Variants in NBEAL1 observed in about 807,000 individuals in gnomAD.
NBEAL1 encodes the protein neurobeachin-like protein 1.
A neutral mutation model predicts 351.3 loss-of-function variants in NBEAL1; 273 were observed. The observed-to-expected ratio is 0.78, with a 90% confidence interval of 0.70 to 0.86. The LOEUF is 0.86. Among genes scored for constraint, NBEAL1 ranks in the 40% least tolerant of loss-of-function variants. The pLI is 0.00. For missense variants in NBEAL1, 2,961 were observed against 3,201.3 expected, an observed-to-expected ratio of 0.92 and a Z score of 1.81; for synonymous variants, 1,050 against 1,086.4, an observed-to-expected ratio of 0.97 and a Z score of 0.66.
In NBEAL1 at chr2:203,106,598, G is replaced by GT. The variant is rs572360411; in HGVS notation, c.1270-813dup. Among the ~76,000 whole-genome samples the GT allele has an allele frequency of 3.7e-3, 558 of 150,560 alleles. 1 individual carries two copies. The highest frequency in any genetic ancestry group is 7.8e-3 in the South Asian group (37 of 4,726). On this transcript the variant is annotated intron_variant, in intron 12 of 55. Coordinates refer to ENST00000683969, the MANE Select transcript of NBEAL1 (RefSeq NM_001378026.1). ...GATGTTCCAGTCTTCCTTGAAAGTT[G>GT]TTTTTTTTTGTCCATATAATAGCTG...
chr2:203,111,832 G>T, intron 15 of NBEAL1, 147 bp from the exon 16 acceptor site: 3 of 896,222 alleles, frequency 3.3e-6, no homozygotes, highest in Non-Finnish European at 4.8e-6. Context: ...GGAAAAAATT[G>T]TTACTTTGAG....
chr2:203,025,519 C>T (rs984783366), intron 2 of NBEAL1, among the ~76,000 whole-genome samples: 4 of 152,118 alleles, frequency 2.6e-5, no homozygotes, highest in Non-Finnish European at 1.5e-5. Flanking sequence ...TTGTTACAAG[C>T]AAGTAAAGAA....
intron 8 of NBEAL1, among the ~76,000 whole-genome samples, chr2:203,079,960 TAGTC>T (rs1438517833): frequency 6.6e-6 from 1 of 152,220 alleles, no homozygotes; most frequent in African/African-American, 2.4e-5. Flanking sequence ...TATCATTTCT[TAGTC>T]TGTTTGGAGA....
rs565917277 is a variant in NBEAL1, at chr2:203,221,186, T to C, written c.*3832T>C. 2.0e-5 allele frequency among the ~76,000 whole-genome samples: 3 copies of C among 152,100 alleles called. No homozygotes were observed. The highest frequency in any genetic ancestry group is 4.1e-4 in the South Asian group (2 of 4,828). On this transcript the variant is annotated 3_prime_UTR_variant, in exon 56 of 56. Transcript: ENST00000683969. ...ATACCAGATTTTTATTTAATGATGATAGAGATATGACCTTTGCCTTTATGT... is the reference window on the plus strand; with the variant it reads ...ATACCAGATTTTTATTTAATGATGACAGAGATATGACCTTTGCCTTTATGT...
chr2:203,023,736 G>A (rs2060806085), intron 2 of NBEAL1, among the ~76,000 whole-genome samples: 1 of 151,918 alleles, frequency 6.6e-6, no homozygotes, highest in South Asian at 2.1e-4. Flanking sequence ...GGGACATTCA[G>A]GTAGAAATAC....
chr2:203,199,021 CTACAAAAAA>C (rs1012099672), intron 48 of NBEAL1, among the ~76,000 whole-genome samples: 1 of 151,692 alleles, frequency 6.6e-6, no homozygotes, highest in African/African-American at 2.4e-5. Context: ...AACCATGTCT[CTACAAAAAA>C]TACAAAGAAT....
intron 55 of NBEAL1, 67 bp downstream of exon 55, chr2:203,213,720 C>T (rs1199979871): frequency 6.3e-6 from 10 of 1,593,608 alleles, no homozygotes; most frequent in African/African-American, 1.4e-5. Flanking sequence ...TCCTTCATTC[C>T]AACTGATTGA....
chr2:203,112,341 TATAAC>T (rs1472596377), intron 16 of NBEAL1, among the ~76,000 whole-genome samples: 1 of 152,146 alleles, frequency 6.6e-6, no homozygotes. Flanking sequence ...AAGAAAGACT[TATAAC>T]AGGAAAGCCA....
intron 2 of NBEAL1, among the ~76,000 whole-genome samples, chr2:203,017,752 A>C (rs1490350226): frequency 6.6e-6 from 1 of 152,068 alleles, no homozygotes; most frequent in African/African-American, 2.4e-5. Context: ...TTTACTATTA[A>C]ATTTAATATT....
At position 203,213,398 on chromosome 2, in the gene NBEAL1, C is replaced by T. The variant is rs539771718; in HGVS notation, c.7935-120C>T. 1.2e-4 allele frequency: 108 copies of T among 898,160 alleles called. No individual in the cohort carries two copies. In the African/African-American group the frequency reaches 1.6e-3, roughly 14 times the overall value. 55.6% of individuals were successfully genotyped at this position (898,160 alleles called of 1,614,324 possible). ...CTTAGACTTTCTGGACACAAGTTCCCACATCTGTAAAATTAGAATGCAGAA... is the reference window on the plus strand; with the variant it reads ...CTTAGACTTTCTGGACACAAGTTCCTACATCTGTAAAATTAGAATGCAGAA... On this transcript the variant is annotated intron_variant, in intron 54 of 55. Transcript: ENST00000683969.
intron 36 of NBEAL1, 138 bp from the exon 37 acceptor site, chr2:203,166,011 C>T: frequency 1.4e-6 from 1 of 689,672 alleles, no homozygotes; most frequent in Non-Finnish European, 2.2e-6. Context: ...TGTGCCACTG[C>T]ACTCCAGCCT....
intron 34 of NBEAL1, among the ~76,000 whole-genome samples, chr2:203,149,524 AATTAT>A (rs1429686454): frequency 1.3e-5 from 2 of 152,066 alleles, no homozygotes; most frequent in African/African-American, 4.8e-5. Context: ...TGTTTTGCTT[AATTAT>A]ATTATCTTTT....
rs1316572549 is a variant in NBEAL1 at position 203,209,216 on chromosome 2, G to A, written c.7679G>A (p.Arg2560Gln). The change falls in exon 53 of 56, where the codon CGA becomes CAA. Residue 2560 changes from arginine (R) to glutamine (Q), a missense_variant. By Grantham distance (43) the Arg-to-Gln change is conservative. Transcript: ENST00000683969. ...AAAGGTCAGTACATGAGGACTTTACGACCACCTTGTGAGAGTTCTCTGTTC... is the reference window on the plus strand; with the variant it reads ...AAAGGTCAGTACATGAGGACTTTACAACCACCTTGTGAGAGTTCTCTGTTC... ...IQKGQYMRTLRPPCESSLFLT... is the reference protein window; with the variant it reads ...IQKGQYMRTLQPPCESSLFLT... The A allele has an allele frequency of 5.6e-6, 9 of 1,613,386 alleles. No individual in the cohort carries two copies. The highest frequency in any genetic ancestry group is 5.3e-5 in the African/African-American group (4 of 74,850).
chr2:203,018,579 T>TTTG (rs553919374), intron 2 of NBEAL1, among the ~76,000 whole-genome samples: 3 of 152,136 alleles, frequency 2.0e-5, no homozygotes, highest in South Asian at 2.1e-4. Flanking sequence ...AGCAGTTTTT[T>TTTG]TTGTTGTTGT....
intron 4 of NBEAL1, among the ~76,000 whole-genome samples, chr2:203,051,332 C>T (rs1027788473): frequency 2.6e-5 from 4 of 152,046 alleles, no homozygotes; most frequent in Non-Finnish European, 4.4e-5. Context: ...CGCTTGAGGT[C>T]AGGAGTTTGA....
At chr2:203,026,861 C>G (rs986190070) in intron 2 of NBEAL1, among the ~76,000 whole-genome samples, 1 of 152,154 alleles carries the variant, frequency 6.6e-6, no homozygotes, top group African/African-American at 2.4e-5. Flanking sequence ...TAAGTAGGTT[C>G]ATTTGGAATC....
At chr2:203,095,971 G>A (rs374249371) in intron 10 of NBEAL1, among the ~76,000 whole-genome samples, 28 of 151,290 alleles carry the variant, frequency 1.9e-4, no homozygotes, top group Admixed American at 1.2e-3. Context: ...CCAGGCTGCC[G>A]GTCTGGAACT....
At chr2:203,168,517 A>G (rs945693532) in intron 38 of NBEAL1, among the ~76,000 whole-genome samples, 5 of 152,228 alleles carry the variant, frequency 3.3e-5, no homozygotes, top group Admixed American at 6.5e-5. Flanking sequence ...TGGGAGGCAG[A>G]GATTGCAGTG....
chr2:203,172,655 C>A (rs1361663042), intron 40 of NBEAL1, 74 bp from the exon 41 acceptor site: 2 of 1,304,278 alleles, frequency 1.5e-6, no homozygotes, highest in Non-Finnish European at 2.1e-6. Flanking sequence ...TTTAGATAAC[C>A]ATTTGATATT....
Sources: gnomAD v4.1 joint callset for allele counts (sites outside exome capture counted in the v4.1 genomes callset) on GRCh38, gnomAD v4.1.1 for gene constraint, MANE v1.5 for transcripts, NCBI Gene and HGNC (gene_info 2026-07-23, HGNC 2026-07-21) for gene names.